The following NCOR2 variants were observed in gnomAD, a reference collection of about 807,000 sequenced individuals.
The protein encoded by NCOR2 is CTG repeat protein 26.
NCOR2 carries 81 observed loss-of-function variants against 262.9 expected under a neutral mutation model. The observed-to-expected ratio is 0.31, with a 90% confidence interval of 0.26 to 0.37. NCOR2 has a LOEUF of 0.37. Among genes scored for constraint, NCOR2 ranks in the 10% least tolerant of loss-of-function variants. The pLI is 1.00. For missense variants in NCOR2, 3,385 were observed against 3,621.4 expected (o/e 0.93, Z 1.68); for synonymous variants, 1,659 against 1,559.3 (o/e 1.06, Z -1.51).
intron 1 of NCOR2, among the ~76,000 whole-genome samples, chr12:124,545,219 C>G (rs766670967): frequency 1.3e-5 from 2 of 152,066 alleles, no homozygotes. Flanking sequence ...AGCAGAGTCT[C>G]GGAGGGCCAC....
intron 11 of NCOR2, among the ~76,000 whole-genome samples, chr12:124,423,139 G>A (rs968342017): frequency 6.6e-6 from 1 of 152,240 alleles, no homozygotes; most frequent in Non-Finnish European, 1.5e-5. Flanking sequence ...TGTCCCAACT[G>A]GCTTCCTGCG....
chr12:124,481,926 G>A lies in NCOR2; in HGVS notation c.411+1670C>T, dbSNP rs142756698. On this transcript the variant is annotated intron_variant, in intron 3 of 46. Coordinates refer to ENST00000405201, the Ensembl canonical transcript of NCOR2. This position sits in a 1 kb window ranked among gnomAD's most constrained non-coding sequence, Gnocchi z 4.6. Reference sequence around the variant, plus strand: ...TGCAAAGTTACTGGAGAGCAATGACGAGCTCAGGCCGGGGGTTGCCTCAGG... The same window carrying A: ...TGCAAAGTTACTGGAGAGCAATGACAAGCTCAGGCCGGGGGTTGCCTCAGG... Among the ~76,000 whole-genome samples, 25 of 152,238 alleles carry A rather than the reference G, an allele frequency of 1.6e-4. No individual in the cohort carries two copies. The East Asian group carries it at 1.9e-3, about 12-fold the overall frequency.
chr12:124,340,809 C>T, intron 34 of NCOR2, 58 bp from the exon 37 acceptor site: 1 of 1,428,550 alleles, frequency 7.0e-7, no homozygotes, highest in Non-Finnish European at 9.1e-7. Context: ...CCAGGCTGCC[C>T]ACCGGCCAGA....
At chr12:124,476,309 C>T (rs931886546) in intron 3 of NCOR2, among the ~76,000 whole-genome samples, 3 of 152,336 alleles carry the variant, frequency 2.0e-5, no homozygotes, top group South Asian at 4.1e-4. Context: ...TCCCTACAGC[C>T]CATGTCATTT....
At chr12:124,445,961 A>C (rs1433975200) in intron 7 of NCOR2, among the ~76,000 whole-genome samples, 1 of 152,256 alleles carries the variant, frequency 6.6e-6, no homozygotes, top group African/African-American at 2.4e-5. Flanking sequence ...ACAGGGACAC[A>C]CAGCTAGTCA....
chr12:124,378,134 T>C lies in NCOR2; in HGVS notation c.2167+103A>G. 1 of 1,519,622 alleles carries C rather than the reference T, an allele frequency of 6.6e-7. No homozygotes were observed. The highest frequency in any genetic ancestry group is 1.4e-5 in the African/African-American group (1 of 72,162). The allele number at this position is 1,519,622 out of a possible 1,614,324, so 94.1% of individuals were successfully genotyped here. On this transcript the variant is annotated intron_variant, in intron 18 of 46. Coordinates refer to ENST00000405201, the Ensembl canonical transcript of NCOR2. This position sits in a 1 kb window ranked among gnomAD's most constrained non-coding sequence, Gnocchi z 4.2. The stretch of plus-strand genomic sequence containing the variant: ...AGGCCCCTTCTAAGGAGGACCCAGA[T>C]GACTCAGGGGAGAGGAGGCTGCCGG...
chr12:124,533,690 G>A (rs1166111853), intron 1 of NCOR2, among the ~76,000 whole-genome samples: 4 of 152,130 alleles, frequency 2.6e-5, no homozygotes, highest in Non-Finnish European at 5.9e-5. Context: ...TTCCATAAAC[G>A]AATATATAGT....
chr12:124,521,956 G>C (rs147056365), intron 1 of NCOR2, among the ~76,000 whole-genome samples: 1 of 152,180 alleles, frequency 6.6e-6, no homozygotes, highest in South Asian at 2.1e-4. Context: ...GGCAGAGGCT[G>C]CAGTGAGCCA....
chr12:124,356,707 G>T (rs200662620), exon 23 of NCOR2: 11 of 1,496,178 alleles, frequency 7.4e-6, no homozygotes, highest in South Asian at 2.8e-5. Flanking sequence ...CACCTCACGG[G>T]GGGGCACGGG....
rs895852739 is a variant in NCOR2, at chr12:124,375,412, G to A, written c.2168-949C>T. ...AAGCACTCCAAGGGCTTGTGACAGT[G>A]CAGGTGGCTGCACTATGCCCCGAGG... On this transcript the variant is annotated intron_variant, in intron 18 of 46. Coordinates refer to ENST00000405201, the Ensembl canonical transcript of NCOR2. 8.5e-5 allele frequency among the ~76,000 whole-genome samples: 13 copies of A among 152,340 alleles called. No individual in the cohort carries two copies. In the East Asian group the frequency reaches 2.5e-3, roughly 29 times the overall value.
In NCOR2 at chr12:124,557,112, GTCCTGCCCTGGGTTT is replaced by G. The variant is rs530829846; in HGVS notation, c.-165+10181_-165+10195del. ...CAGCTTTCAGAGCAGCAGCGGGACT[GTCCTGCCCTGGGTTT>G]TCCTGCCCTGGGTTTTACAGGCCTC... On this transcript the variant is annotated intron_variant, in intron 1 of 32. Transcript: ENST00000458234. Among the ~76,000 whole-genome samples the G allele has an allele frequency of 1.4e-4, 22 of 152,348 alleles. No homozygotes were observed. The South Asian group carries it at 3.9e-3, about 27-fold the overall frequency.
chr12:124,416,235 A>C (rs899417762), intron 13 of NCOR2, among the ~76,000 whole-genome samples: 68 of 152,212 alleles, frequency 4.5e-4, no homozygotes, highest in Middle Eastern at 3.4e-3. Flanking sequence ...GTAAAAAAAA[A>C]CATCTCTATT....
chr12:124,542,393 G>A (rs1490748515), intron 1 of NCOR2: 1 of 152,678 alleles, frequency 6.5e-6, no homozygotes, highest in Non-Finnish European at 1.5e-5. Flanking sequence ...TCTTCCAGAA[G>A]GGAGAAGGAC....
intron 1 of NCOR2, among the ~76,000 whole-genome samples, chr12:124,508,690 T>C (rs1180085981): frequency 2.0e-5 from 3 of 152,104 alleles, no homozygotes; most frequent in Admixed American, 6.5e-5. Flanking sequence ...TCCAAATCTT[T>C]CCAGCAAAGC....
chr12:124,326,857 C>T (rs2034701708), intron 45 of NCOR2, among the ~76,000 whole-genome samples: 1 of 152,006 alleles, frequency 6.6e-6, no homozygotes, highest in Non-Finnish European at 1.5e-5. Context: ...ACTCTCTCCT[C>T]AGCTCCCTGC....
Position 124,457,300 on chromosome 12 carries a change from C to T in NCOR2, c.706-138G>A, listed in dbSNP as rs945978116. 6.4e-6 allele frequency: 6 copies of T among 937,768 alleles called. No homozygotes were observed. Among genetic ancestry groups the T allele is most frequent in the Admixed American group, 8.0e-5 (2 of 24,990 alleles). 58.1% of individuals were successfully genotyped at this position (937,768 alleles called of 1,614,324 possible). A position where few individuals can be genotyped will look rare whatever the true frequency, so the allele number is the denominator to read the frequency against. On this transcript the variant is annotated intron_variant, in intron 5 of 46. Transcript: ENST00000405201. This position sits in a 1 kb window ranked among gnomAD's most constrained non-coding sequence, Gnocchi z 4.0. ...ATCCTCAGCACGGGGGAGGGAGGCC[C>T]GGGGCCCCCTGCAGGCCCTCCCCAC... is the stretch of plus-strand genomic sequence containing the variant.
chr12:124,464,684 G>A (rs1040776827), intron 5 of NCOR2, among the ~76,000 whole-genome samples: 2 of 152,206 alleles, frequency 1.3e-5, no homozygotes, highest in Admixed American at 6.5e-5. Context: ...TCTGTCCTAA[G>A]GGCACTAGGA....
chr12:124,550,968 C>T (rs1417111874), intron 1 of NCOR2, among the ~76,000 whole-genome samples: 1 of 152,242 alleles, frequency 6.6e-6, no homozygotes, highest in Non-Finnish European at 1.5e-5. Context: ...CGTCACATCC[C>T]CATGACAAAA....
intron 16 of NCOR2, chr12:124,388,886 GA>G: frequency 2.7e-6 from 1 of 369,644 alleles, no homozygotes; most frequent in Non-Finnish European, 5.1e-6. Context: ...GGGAGGGAGG[GA>G]GGGAGGGAGC....
Sources: gnomAD v4.1 joint callset for allele counts (sites outside exome capture counted in the v4.1 genomes callset) on GRCh38, gnomAD v4.1.1 for gene constraint, Gnocchi (gnomAD v3.1) non-coding constraint, MANE v1.5 for transcripts, NCBI Gene and HGNC (gene_info 2026-07-23, HGNC 2026-07-21) for gene names.